The following BAIAP2 variants were observed in gnomAD, a reference collection of about 807,000 sequenced individuals.
BAIAP2 encodes the protein BAR/IMD domain-containing adapter protein 2.
Under a neutral mutation model 63.0 loss-of-function variants are expected in BAIAP2, and 18 were observed. That is an observed-to-expected ratio of 0.29 (90% CI 0.20 to 0.42). BAIAP2 has a LOEUF of 0.42. Ranked by LOEUF, BAIAP2 falls within the 10% of genes least tolerant of loss-of-function variation. The pLI is 1.00. For missense variants in BAIAP2, 610 were observed against 734.3 expected (o/e 0.83, Z 1.96); for synonymous variants, 386 against 307.6 (o/e 1.25, Z -2.67).
intron 13 of BAIAP2, chr17:81,109,620 G>C: frequency 6.1e-6 from 6 of 985,354 alleles, no homozygotes; most frequent in Non-Finnish European, 7.2e-6. Context: ...GAGGAAGCCG[G>C]CCGCTCCTGT....
intron 2 of BAIAP2, 63 bp downstream of exon 2, chr17:81,053,806 G>A (rs12941955): frequency 5.8e-6 from 9 of 1,551,808 alleles, no homozygotes; most frequent in Middle Eastern, 1.9e-4. Context: ...AACTGCGCCC[G>A]GGCCCCGTGG....
chr17:81,109,053 G>C (rs572839607), intron 13 of BAIAP2: 1 of 1,519,226 alleles, frequency 6.6e-7, no homozygotes, highest in African/African-American at 1.4e-5. Context: ...CTTCCCCCTG[G>C]TCTCGTCCGT....
chr17:81,087,308 C>G (rs1179574968), intron 6 of BAIAP2, among the ~76,000 whole-genome samples: 1 of 152,230 alleles, frequency 6.6e-6, no homozygotes, highest in African/African-American at 2.4e-5. Flanking sequence ...AAGCCCGGGC[C>G]TCCAGGCCGC....
At chr17:81,110,116 G>A in intron 13 of BAIAP2, 1 of 985,358 alleles carries the variant, frequency 1.0e-6, no homozygotes, top group South Asian at 4.7e-5. Context: ...GGCTCAGCCT[G>A]CCCGCTGGTG....
chr17:81,048,698 T>C (rs1030288121), intron 1 of BAIAP2, among the ~76,000 whole-genome samples: 30 of 152,106 alleles, frequency 2.0e-4, no homozygotes, highest in Non-Finnish European at 3.7e-4. Flanking sequence ...GACACGGCCC[T>C]CCCATTTGTA....
At chr17:81,070,814 G>A (rs1440612894) in intron 3 of BAIAP2, among the ~76,000 whole-genome samples, 1 of 152,226 alleles carries the variant, frequency 6.6e-6, no homozygotes, top group Non-Finnish European at 1.5e-5. Flanking sequence ...CAGATTTGGT[G>A]CCAGAGGCCC....
intron 3 of BAIAP2, among the ~76,000 whole-genome samples, chr17:81,071,305 G>A (rs921435277): frequency 2.6e-5 from 4 of 152,138 alleles, no homozygotes; most frequent in Admixed American, 6.5e-5. Context: ...CCCTGTGGGG[G>A]CTCTGATAGC....
At chr17:81,059,829 C>T (rs1403205780) in intron 3 of BAIAP2, among the ~76,000 whole-genome samples, 3 of 151,962 alleles carry the variant, frequency 2.0e-5, no homozygotes, top group African/African-American at 4.8e-5. Context: ...GCCCCTTGGT[C>T]GCATGAGGGT....
chr17:81,045,481 C>T (rs986842632), intron 1 of BAIAP2, among the ~76,000 whole-genome samples: 2 of 151,992 alleles, frequency 1.3e-5, no homozygotes, highest in African/African-American at 4.8e-5. Context: ...GGGCAGGCAG[C>T]ATGAGGGAAG....
chr17:81,042,722 T>TGG (rs1250419087), intron 1 of BAIAP2, among the ~76,000 whole-genome samples: 3 of 147,334 alleles, frequency 2.0e-5, no homozygotes, highest in African/African-American at 7.6e-5. Flanking sequence ...AGAATGGGGG[T>TGG]GGGGATGGTG....
At chr17:81,053,537 A>T (rs1598541675) in intron 1 of BAIAP2, 131 bp from the exon 2 acceptor site, 1 of 922,182 alleles carries the variant, frequency 1.1e-6, no homozygotes, top group Non-Finnish European at 1.7e-6. Flanking sequence ...TGGGAAGCCC[A>T]CCTTGAGCAT....
At chr17:81,105,202 C>T (rs61504115) in intron 10 of BAIAP2, 1,834 of 167,498 alleles carry the variant, frequency 0.011, 46 homozygotes, top group African/African-American at 0.042. Context: ...CTCGGGTCTC[C>T]CCCACATGGC....
At chr17:81,041,955 G>A (rs1286775937) in intron 1 of BAIAP2, among the ~76,000 whole-genome samples, 8 of 152,102 alleles carry the variant, frequency 5.3e-5, no homozygotes, top group Non-Finnish European at 1.0e-4. Context: ...TATTTTTCAT[G>A]AAGAGTTTGA....
chr17:81,108,120 T>G, intron 12 of BAIAP2: 18 of 347,876 alleles, frequency 5.2e-5, no homozygotes, highest in Non-Finnish European at 6.8e-5. Context: ...CGCCCAGGCA[T>G]GGGTGAGGTG....
At chr17:81,081,183 G>A (rs578116800) in intron 3 of BAIAP2, among the ~76,000 whole-genome samples, 107 of 152,316 alleles carry the variant, frequency 7.0e-4, no homozygotes, top group African/African-American at 2.4e-3. Context: ...CATGAAAACC[G>A]CAGGACAGTT....
chr17:81,109,699 C>T, intron 13 of BAIAP2: 1 of 985,368 alleles, frequency 1.0e-6, no homozygotes, highest in Non-Finnish European at 1.2e-6. Flanking sequence ...GTACATAGAG[C>T]AGCGCGGCAC....
intron 6 of BAIAP2, among the ~76,000 whole-genome samples, chr17:81,093,223 C>G (rs560120440): frequency 6.6e-4 from 100 of 151,954 alleles, no homozygotes; most frequent in African/African-American, 2.3e-3. Flanking sequence ...GTGGGGCAGC[C>G]GGGCCCCTGC....
intron 1 of BAIAP2, 106 bp downstream of exon 1, chr17:81,035,414 G>A (rs1363510273): frequency 3.3e-6 from 2 of 613,344 alleles, no homozygotes; most frequent in Non-Finnish European, 4.1e-6. Context: ...CGCGCGCCGG[G>A]CCAGGAGGCT....
At chr17:81,092,423 A>T (rs1218368581) in intron 6 of BAIAP2, among the ~76,000 whole-genome samples, 1 of 152,170 alleles carries the variant, frequency 6.6e-6, no homozygotes, top group Non-Finnish European at 1.5e-5. Flanking sequence ...GTGGGGCTGC[A>T]GGGAGGGGTG....
Sources: gnomAD v4.1 joint callset for allele counts (sites outside exome capture counted in the v4.1 genomes callset) on GRCh38, gnomAD v4.1.1 for gene constraint, MANE v1.5 for transcripts, NCBI Gene and HGNC (gene_info 2026-07-23, HGNC 2026-07-21) for gene names.